The following ZBTB40 variants were observed in gnomAD, a reference collection of about 807,000 sequenced individuals.
The protein encoded by ZBTB40 is zinc finger and BTB domain-containing protein 40.
Under a neutral mutation model 117.5 loss-of-function variants are expected in ZBTB40, and 60 were observed. The observed-to-expected ratio is 0.51, with a 90% CI of 0.41 to 0.63. The LOEUF (loss-of-function observed/expected upper bound fraction) is 0.63, where lower values mean the gene tolerates loss of function less well. Among genes scored for constraint, ZBTB40 ranks in the 30% least tolerant of loss-of-function variants. The pLI is 0.00. For synonymous variants in ZBTB40, 525 were observed against 577.1 expected (o/e 0.91, Z 1.29); for missense variants, 1,287 against 1,498.5 (o/e 0.86, Z 2.33).
chr1:22,531,076 G>T lies in ZBTB40; in HGVS notation c.*4680G>T, dbSNP rs1639815612. On this transcript the variant is annotated 3_prime_UTR_variant, in exon 18 of 18. Transcript: ENST00000375647. ...ATTGTGCTTGCCCTACAGAATTGTA[G>T]TATGAATTAAAAGTCTGGATTTAAT... 1 of 152,136 alleles carries T rather than the reference G, an allele frequency of 6.6e-6. No individual in the cohort carries two copies. Among genetic ancestry groups the T allele is most frequent in the Non-Finnish European group, 1.5e-5 (1 of 68,028 alleles). 9.4% of individuals were successfully genotyped at this position (152,136 alleles called of 1,614,324 possible).
intron 9 of ZBTB40, 151 bp downstream of exon 9, chr1:22,509,384 T>G: frequency 8.3e-7 from 1 of 1,202,922 alleles, no homozygotes; most frequent in Non-Finnish European, 1.2e-6. Flanking sequence ...TCTTGCTCTG[T>G]CGCCCAGGCT....
At chr1:22,501,868 A>G (rs1638946902) in intron 4 of ZBTB40, among the ~76,000 whole-genome samples, 184 bp downstream of exon 4, 1 of 152,226 alleles carries the variant, frequency 6.6e-6, no homozygotes, top group African/African-American at 2.4e-5. Flanking sequence ...CTCCATTTCT[A>G]TCCCACAGTT....
intron 1 of ZBTB40, among the ~76,000 whole-genome samples, chr1:22,432,022 C>T (rs1478737191): frequency 1.3e-5 from 2 of 152,012 alleles, no homozygotes; most frequent in African/African-American, 2.4e-5. Flanking sequence ...TTTATTCTTG[C>T]ATAGTTCTGG....
rs1638597057 is a variant in ZBTB40, at chr1:22,490,478, A to C, written c.530A>C (p.Glu177Ala). 6.3e-7 allele frequency: 1 copy of C among 1,599,464 alleles called. No individual in the cohort carries two copies. Among genetic ancestry groups the C allele is most frequent in the African/African-American group, 1.3e-5 (1 of 74,252 alleles). The change falls in exon 2 of 18, where the codon GAA becomes GCA. Residue 177 changes from glutamate (E) to alanine (A), a missense_variant. Around this residue, in one of 2 missense-constraint regions of ZBTB40, gnomAD observed 870 missense variants for 934.4 expected, o/e 0.93. Transcript: ENST00000375647. The part of the protein sequence containing the change: ...PGGPVKAETE[E>A]AAHSVSQEMS... Reference sequence around the variant, plus strand: ...GGCCCTGTGAAAGCTGAGACTGAGGAAGCAGCCCATTCAGTTTCACAAGAG... The same window carrying C: ...GGCCCTGTGAAAGCTGAGACTGAGGCAGCAGCCCATTCAGTTTCACAAGAG...
intron 1 of ZBTB40, among the ~76,000 whole-genome samples, chr1:22,463,109 C>T (rs1292551989): frequency 2.0e-5 from 3 of 152,156 alleles, no homozygotes; most frequent in African/African-American, 7.2e-5. Context: ...AATATTATCC[C>T]CATTTTACAT....
At chr1:22,447,097 T>C (rs1179353347), upstream of ZBTB40, among the ~76,000 whole-genome samples, 2 of 149,622 alleles carry the variant, frequency 1.3e-5, no homozygotes, top group Non-Finnish European at 3.0e-5. Flanking sequence ...AGCAAGACCT[T>C]ATCTCAAAAA....
At position 22,491,521 on chromosome 1, in the gene ZBTB40, T is replaced by G. The variant is rs1009392938; in HGVS notation, c.819T>G (p.Gly273=). The G allele has an allele frequency of 7.4e-6, 12 of 1,613,822 alleles. No homozygotes were observed. The highest frequency in any genetic ancestry group is 1.0e-5 in the Non-Finnish European group (12 of 1,179,912). Residue 273 remains glycine, a synonymous_variant, in exon 3 of 18, where the codon GGT becomes GGG. Transcript: ENST00000375647. ...TAGAAATGTGTTCAGAAATTAAAGGTCCACAGAAGGAGGTAGGCACCTCTG... is the reference window on the plus strand; with the variant it reads ...TAGAAATGTGTTCAGAAATTAAAGGGCCACAGAAGGAGGTAGGCACCTCTG... ...KKLEMCSEIK[G]PQKEMIVKCF...
At chr1:22,439,247 C>A (rs1640705743) in intron 1 of ZBTB40, among the ~76,000 whole-genome samples, 1 of 152,090 alleles carries the variant, frequency 6.6e-6, no homozygotes, top group African/African-American at 2.4e-5. Flanking sequence ...AGATATTAAG[C>A]CTTTATCTGA....
At chr1:22,495,678 AT>A (rs1331474901) in intron 3 of ZBTB40, among the ~76,000 whole-genome samples, 2 of 151,934 alleles carry the variant, frequency 1.3e-5, no homozygotes, top group African/African-American at 4.8e-5. Context: ...TGCCTGGCTA[AT>A]TTTTGTATTT....
In ZBTB40 at chr1:22,501,457, G is replaced by A. The variant is rs370244838; in HGVS notation, c.832-35G>A. The A allele has an allele frequency of 7.3e-5, 117 of 1,612,162 alleles. No homozygotes were observed. In the African/African-American group the frequency reaches 9.6e-4, roughly 13 times the overall value. On this transcript the variant is annotated intron_variant, in intron 3 of 17. Transcript: ENST00000375647. ...AAGGAGCGGATGGTTCTTGTGGTTC[G>A]CTAATCTATCTTTCTGGGTACTTTT...
chr1:22,526,663 G>A lies in ZBTB40; in HGVS notation c.*267G>A, dbSNP rs1448238078. ...CCGCTGCTGCGGCCTCTATGACACTGTCCATCCCCAAGTGACATGTGGCTT... is the reference window on the plus strand; with the variant it reads ...CCGCTGCTGCGGCCTCTATGACACTATCCATCCCCAAGTGACATGTGGCTT... On this transcript the variant is annotated 3_prime_UTR_variant, in exon 18 of 18. Transcript: ENST00000375647. 6.6e-6 allele frequency: 3 copies of A among 454,688 alleles called. No individual in the cohort carries two copies. Among genetic ancestry groups the A allele is most frequent in the Non-Finnish European group, 1.2e-5 (3 of 244,248 alleles). The allele number at this position is 454,688 out of a possible 1,614,324, so 28.2% of individuals were successfully genotyped here.
At chr1:22,487,958 C>T (rs1638519456) in intron 1 of ZBTB40, among the ~76,000 whole-genome samples, 1 of 152,202 alleles carries the variant, frequency 6.6e-6, no homozygotes, top group Non-Finnish European at 1.5e-5. Flanking sequence ...TCCTAATCCT[C>T]CTGCCTGCTA....
chr1:22,520,157 A>G lies in ZBTB40; in HGVS notation c.2930A>G (p.Tyr977Cys). 1 of 1,614,182 alleles carries G rather than the reference A, an allele frequency of 6.2e-7. No individual in the cohort carries two copies. Among genetic ancestry groups the G allele is most frequent in the South Asian group, 1.1e-5 (1 of 91,078 alleles). Residue 977 changes from tyrosine (Y) to cysteine (C), a missense_variant, in exon 14 of 18, where the codon TAC becomes TGC. By Grantham distance (194) the Tyr-to-Cys change is radical (BLOSUM62 -2). Around this residue, in one of 2 missense-constraint regions of ZBTB40, gnomAD observed 417 missense variants for 564.1 expected, o/e 0.74. Transcript: ENST00000375647. The part of the protein sequence containing the change: ...KHIHEVHSKE[Y>C]HPCPTCGKIF... ...ATCCATGAGGTGCACTCCAAAGAGT[A>G]CCACCCCTGCCCCACGTGTGGGAAG...
In ZBTB40 at chr1:22,529,395, A is replaced by T. The variant is rs1639770355; in HGVS notation, c.*2999A>T. 6.6e-6 allele frequency: 1 copy of T among 152,346 alleles called. No homozygotes were observed. The highest frequency in any genetic ancestry group is 2.1e-4 in the South Asian group (1 of 4,804). 9.4% of individuals were successfully genotyped at this position (152,346 alleles called of 1,614,324 possible). On this transcript the variant is annotated 3_prime_UTR_variant, in exon 18 of 18. Transcript: ENST00000375647. ...TGGGTCCCCAGACCTCTGCTCCCAG[A>T]GCTCATGGCCCAGGTGGTGAGGAGG... is the stretch of plus-strand genomic sequence containing the variant.
intron 1 of ZBTB40, among the ~76,000 whole-genome samples, chr1:22,474,836 A>G (rs1426053397): frequency 1.3e-5 from 2 of 152,122 alleles, no homozygotes; most frequent in Non-Finnish European, 2.9e-5. Flanking sequence ...AAAGCAATGA[A>G]TAGGGCTCTC....
intron 1 of ZBTB40, among the ~76,000 whole-genome samples, chr1:22,472,016 C>G (rs1045021577): frequency 3.3e-5 from 5 of 152,116 alleles, no homozygotes; most frequent in Admixed American, 2.6e-4. Context: ...GAACTGTAAC[C>G]CACTCACTTC....
At position 22,509,176 on chromosome 1, in the gene ZBTB40, G is replaced by A. The variant is rs749896149; in HGVS notation, c.1776G>A (p.Lys592=). Residue 592 remains lysine (K), a synonymous_variant, in exon 9 of 18, where the codon AAG becomes AAA. Coordinates refer to ENST00000375647, the MANE Select transcript of ZBTB40 (RefSeq NM_014870.4). ...TGATCTTGGAGGCCATCCAACAGAA[G>A]ATTGAGTACAAGCTCTTTACCTCGG... ...NQLILEAIQQ[K]IEYKLFTSEE... is the part of the protein sequence containing the mutation. 6.8e-6 allele frequency: 11 copies of A among 1,614,030 alleles called. No individual in the cohort carries two copies. Among genetic ancestry groups the A allele is most frequent in the South Asian group, 1.1e-5 (1 of 91,082 alleles).
chr1:22,487,513 C>G lies in ZBTB40; in HGVS notation c.-69-2367C>G, dbSNP rs552673614. On this transcript the variant is annotated intron_variant, in intron 1 of 17. Transcript: ENST00000375647. ...TCTTGTATTATCTGGATCATCTTATCATCCACCCATTCACCAAGCCAGGAA... is the reference window on the plus strand; with the variant it reads ...TCTTGTATTATCTGGATCATCTTATGATCCACCCATTCACCAAGCCAGGAA... Among the ~76,000 whole-genome samples the G allele has an allele frequency of 2.9e-4, 44 of 152,252 alleles. No homozygotes were observed. The South Asian group carries it at 6.0e-3, about 21-fold the overall frequency.
At chr1:22,451,739 C>G (rs1014351392), upstream of ZBTB40, 1 of 121,474 alleles carries the variant, frequency 8.2e-6, no homozygotes, top group Non-Finnish European at 1.6e-5. Context: ...AGCCTAGCAA[C>G]CAGCCGGCCC....
Sources: allele counts gnomAD v4.1 joint callset (sites outside exome capture counted in the v4.1 genomes callset), GRCh38; gene constraint gnomAD v4.1.1; regional missense constraint gnomAD v4.1.1; transcripts MANE v1.5; gene names NCBI Gene and HGNC (gene_info 2026-07-23, HGNC 2026-07-21).